RNF180: variants seen among roughly 807,000 people sequenced by gnomAD.
The protein encoded by RNF180 is E3 ubiquitin-protein ligase RNF180.
A neutral mutation model predicts 59.2 loss-of-function variants in RNF180; 38 were observed. The observed-to-expected ratio is 0.64, with a 90% CI of 0.50 to 0.84. RNF180 has a LOEUF of 0.84. Ranked by LOEUF, RNF180 falls within the 40% of genes least tolerant of loss-of-function variation. The pLI, the probability that RNF180 is intolerant of heterozygous loss-of-function variation, is 0.00. For synonymous variants in RNF180, 262 were observed against 240.3 expected, an observed-to-expected ratio of 1.09 and a Z score of -0.84; for missense variants, 705 against 700.9, an observed-to-expected ratio of 1.01 and a Z score of -0.07.
At chr5:64,177,409 C>T (rs780916330) in intron 1 of RNF180, among the ~76,000 whole-genome samples, 97 of 151,702 alleles carry the variant, frequency 6.4e-4, no homozygotes, top group Middle Eastern at 3.4e-3. Flanking sequence ...GTTTCTTGCC[C>T]TTAGTTTATC....
At chr5:64,190,036 T>G (rs1420448167) in intron 1 of RNF180, among the ~76,000 whole-genome samples, 2 of 152,138 alleles carry the variant, frequency 1.3e-5, no homozygotes, top group African/African-American at 4.8e-5. Context: ...TTCCTCAGTT[T>G]GAGTATAGGG....
At chr5:64,343,546 A>G (rs1220029249) in intron 7 of RNF180, among the ~76,000 whole-genome samples, 1 of 151,968 alleles carries the variant, frequency 6.6e-6, no homozygotes, top group Non-Finnish European at 1.5e-5. Context: ...AGAAAACCAT[A>G]TCTAGAGACA....
intron 5 of RNF180, among the ~76,000 whole-genome samples, chr5:64,225,220 G>T (rs1297940820): frequency 1.3e-5 from 2 of 152,216 alleles, no homozygotes; most frequent in African/African-American, 4.8e-5. Context: ...CTAGGTGATG[G>T]CTTCAGCTCT....
Position 64,354,907 on chromosome 5 carries a change from TAGA to T in RNF180, c.1580-14701_1580-14699del, listed in dbSNP as rs367970907. ...ATAAACACACTCAGAAGACTAGGAG[TAGA>T]AGAAGACTGCTTCAACATGACACTG... On this transcript the variant is annotated intron_variant, in intron 7 of 7. Transcript: ENST00000389100. 9.2e-5 allele frequency among the ~76,000 whole-genome samples: 14 copies of T among 151,788 alleles called. No individual in the cohort carries two copies. The East Asian group carries it at 1.2e-3, about 13-fold the overall frequency.
chr5:64,230,734 G>A lies in RNF180; in HGVS notation c.1227+13338G>A, dbSNP rs557355828. Among the ~76,000 whole-genome samples the A allele has an allele frequency of 3.2e-3, 490 of 152,298 alleles. 1 individual carries two copies. The highest frequency in any genetic ancestry group is 0.012 in the African/African-American group (482 of 41,578). ...ATTCTGCTTACCACAGATAGTTTTG[G>A]TGGAATTCTTGAGTCAGGCCAACCT... On this transcript the variant is annotated intron_variant, in intron 5 of 7. Coordinates refer to ENST00000389100, the MANE Select transcript of RNF180 (RefSeq NM_001113561.2).
At chr5:64,322,861 G>A (rs2112515353) in intron 5 of RNF180, among the ~76,000 whole-genome samples, 1 of 151,994 alleles carries the variant, frequency 6.6e-6, no homozygotes, top group East Asian at 1.9e-4. Context: ...AGGGAGTGAG[G>A]GATAAAACTG....
chr5:64,367,972 CAAAAAAA>C (rs898143016), intron 7 of RNF180, among the ~76,000 whole-genome samples: 114 of 150,658 alleles, frequency 7.6e-4, no homozygotes, highest in African/African-American at 2.6e-3. Context: ...ATTGGTCAAC[CAAAAAAA>C]ACAAGTTGCT....
At chr5:64,339,060 C>A (rs1170172138) in intron 7 of RNF180, among the ~76,000 whole-genome samples, 2 of 149,272 alleles carry the variant, frequency 1.3e-5, no homozygotes, top group African/African-American at 2.5e-5. Context: ...AATTTGTTAG[C>A]CTTTGTTTAT....
At chr5:64,262,155 A>G (rs1191448463) in intron 5 of RNF180, among the ~76,000 whole-genome samples, 1 of 152,162 alleles carries the variant, frequency 6.6e-6, no homozygotes, top group Non-Finnish European at 1.5e-5. Flanking sequence ...GTGGTAACTT[A>G]CTAAGGGGAT....
chr5:64,365,135 A>G (rs934922979), intron 7 of RNF180, among the ~76,000 whole-genome samples: 41 of 151,166 alleles, frequency 2.7e-4, no homozygotes, highest in African/African-American at 9.9e-4. Context: ...CTCTAGTTGT[A>G]ATGTTAGGCT....
intron 7 of RNF180, among the ~76,000 whole-genome samples, chr5:64,360,293 A>C (rs548127248): frequency 4.6e-4 from 70 of 151,904 alleles, no homozygotes; most frequent in Non-Finnish European, 8.3e-4. Context: ...CCAGCATATA[A>C]ACAGAGCCAA....
chr5:64,303,840 C>T (rs542974512), intron 5 of RNF180, among the ~76,000 whole-genome samples: 1 of 151,746 alleles, frequency 6.6e-6, no homozygotes, highest in Admixed American at 6.6e-5. Flanking sequence ...TCAATGCAGA[C>T]ATAACAGCCT....
intron 3 of RNF180, among the ~76,000 whole-genome samples, chr5:64,212,564 A>G (rs1338946225): frequency 1.3e-5 from 2 of 152,170 alleles, no homozygotes; most frequent in Non-Finnish European, 2.9e-5. Context: ...TCCCAGCACC[A>G]AGAATAAGTC....
intron 5 of RNF180, among the ~76,000 whole-genome samples, chr5:64,230,875 G>A (rs1195626182): frequency 6.6e-6 from 1 of 152,120 alleles, no homozygotes; most frequent in Non-Finnish European, 1.5e-5. Context: ...TTTTCTTGGG[G>A]TTCTGAAAGT....
At chr5:64,259,448 C>A (rs1744182964) in intron 5 of RNF180, among the ~76,000 whole-genome samples, 1 of 152,094 alleles carries the variant, frequency 6.6e-6, no homozygotes, top group African/African-American at 2.4e-5. Flanking sequence ...AGACTTGATC[C>A]TGGGAAAACT....
intron 7 of RNF180, among the ~76,000 whole-genome samples, chr5:64,343,101 T>C (rs1271456200): frequency 6.6e-6 from 1 of 151,960 alleles, no homozygotes; most frequent in African/African-American, 2.4e-5. Flanking sequence ...TTATGATATA[T>C]GCAAAAGGTT....
chr5:64,186,061 T>C (rs542521419), intron 1 of RNF180, among the ~76,000 whole-genome samples: 57 of 152,298 alleles, frequency 3.7e-4, no homozygotes, highest in Middle Eastern at 3.4e-3. Context: ...TGCTTTTTTT[T>C]CTCCATTATC....
intron 5 of RNF180, among the ~76,000 whole-genome samples, chr5:64,236,924 A>G (rs530868783): frequency 6.6e-6 from 1 of 152,288 alleles, no homozygotes; most frequent in South Asian, 2.1e-4. Flanking sequence ...CCTAGATTTC[A>G]GAGTATATAT....
chr5:64,283,955 A>G (rs533100510), intron 5 of RNF180, among the ~76,000 whole-genome samples: 21 of 152,254 alleles, frequency 1.4e-4, no homozygotes, highest in African/African-American at 4.3e-4. Context: ...CATAATATCA[A>G]TGGTTTATGT....
Sources: allele counts gnomAD v4.1 joint callset (sites outside exome capture counted in the v4.1 genomes callset), GRCh38; gene constraint gnomAD v4.1.1; transcripts MANE v1.5; gene names NCBI Gene and HGNC (gene_info 2026-07-23, HGNC 2026-07-21).